Variants in TNFRSF8 observed in about 807,000 individuals in gnomAD.
The protein encoded by TNFRSF8 is TNF receptor superfamily member 8.
A neutral mutation model predicts 70.8 loss-of-function variants in TNFRSF8; 26 were observed. The ratio of observed to expected loss-of-function variants is 0.37; its 90% CI spans 0.27 to 0.51. TNFRSF8 has a LOEUF of 0.51. TNFRSF8 is among the 20% of genes least tolerant of loss of function. TNFRSF8 has a pLI of 0.94. For synonymous variants in TNFRSF8, 356 were observed against 339.2 expected, an observed-to-expected ratio of 1.05 and a Z score of -0.54; for missense variants, 720 against 807.9, an observed-to-expected ratio of 0.89 and a Z score of 1.32.
At chr1:12,100,117 C>T (rs1282911164) in intron 3 of TNFRSF8, among the ~76,000 whole-genome samples, 1 of 151,680 alleles carries the variant, frequency 6.6e-6, no homozygotes, top group Non-Finnish European at 1.5e-5. Context: ...TGCAGTGCGC[C>T]GAGATCATGC....
At chr1:12,115,377 G>A (rs931053888) in intron 7 of TNFRSF8, among the ~76,000 whole-genome samples, 200 bp from the exon 8 acceptor site, 4 of 152,144 alleles carry the variant, frequency 2.6e-5, no homozygotes, top group African/African-American at 7.2e-5. Flanking sequence ...GAATACCCTC[G>A]CTTTTTGCCT....
intron 1 of TNFRSF8, among the ~76,000 whole-genome samples, chr1:12,076,103 CTT>C (rs146740361): frequency 3.1e-5 from 3 of 96,348 alleles, no homozygotes; most frequent in Non-Finnish European, 5.6e-5. Flanking sequence ...TTTTCTTTTT[CTT>C]TTTTTTTTTT....
Position 12,080,581 on chromosome 1 carries a change from G to T in TNFRSF8, c.64-3883G>T, listed in dbSNP as rs146625957. On this transcript the variant is annotated intron_variant, in intron 1 of 14. Coordinates refer to ENST00000263932, the MANE Select transcript of TNFRSF8 (RefSeq NM_001243.5). ...TATTTTTATTTATTTTTTTGAGATG[G>T]AGTTTCACCCTTGTTGCCTAGGCTG... 1.3e-3 allele frequency: 465 copies of T among 349,214 alleles called. 1 individual carries two copies. The highest frequency in any genetic ancestry group is 4.1e-3 in the Middle Eastern group (4 of 984). 21.6% of individuals were successfully genotyped at this position (349,214 alleles called of 1,614,324 possible).
chr1:12,074,783 T>G (rs930769927), intron 1 of TNFRSF8, among the ~76,000 whole-genome samples: 1 of 148,106 alleles, frequency 6.8e-6, no homozygotes, highest in Non-Finnish European at 1.5e-5. Flanking sequence ...TTATTTGTGT[T>G]TGTTTGTTTG....
intron 4 of TNFRSF8, among the ~76,000 whole-genome samples, chr1:12,104,881 G>T (rs1641492997): frequency 2.0e-5 from 3 of 152,202 alleles, no homozygotes; most frequent in Non-Finnish European, 2.9e-5. Flanking sequence ...ATTGGGGTTG[G>T]CTTCCCCCTT....
chr1:12,128,833 CTTTTT>C lies in TNFRSF8; in HGVS notation c.1309+2612_1309+2616del, dbSNP rs60878706. On this transcript the variant is annotated intron_variant, in intron 12 of 14. Coordinates refer to ENST00000263932, the MANE Select transcript of TNFRSF8 (RefSeq NM_001243.5). ...GGTTGAGAACCACTGGTCTAAAATT[CTTTTT>C]TTTTTTTTTTTTTTGAGACAGAGTC... is the stretch of plus-strand genomic sequence containing the variant. 6.8e-3 allele frequency among the ~76,000 whole-genome samples: 758 copies of C among 111,772 alleles called. 6 individuals are homozygous for C. Among genetic ancestry groups the C allele is most frequent in the Non-Finnish European group, 9.7e-3 (566 of 58,164 alleles). The allele number at this position is 111,772 out of a possible 152,430, so 73.3% of individuals were successfully genotyped here.
At chr1:12,127,872 CT>C (rs1261078231) in intron 12 of TNFRSF8, among the ~76,000 whole-genome samples, 4 of 152,162 alleles carry the variant, frequency 2.6e-5, no homozygotes, top group Non-Finnish European at 5.9e-5. Flanking sequence ...AAGAAAACAC[CT>C]TCCCCTAAGA....
At position 12,132,901 on chromosome 1, in the gene TNFRSF8, T is replaced by C. The variant is rs545505172; in HGVS notation, c.1310-2687T>C. Among the ~76,000 whole-genome samples the C allele has an allele frequency of 6.4e-4, 96 of 149,704 alleles. 1 individual carries two copies. The highest frequency in any genetic ancestry group is 1.9e-3 in the African/African-American group (77 of 40,752). ...CCACTGGGCACCTTCACTTTTGATA[T>C]CTCTTTTAATCTTCTCAACAAGCCC... On this transcript the variant is annotated intron_variant, in intron 12 of 14. Transcript: ENST00000263932.
chr1:12,093,676 T>G (rs693708), intron 2 of TNFRSF8, among the ~76,000 whole-genome samples: 73,838 of 151,746 alleles, frequency 0.49, 18,834 homozygotes, highest in East Asian at 0.7. Flanking sequence ...AGGTAGCTGG[T>G]ATTACAGGTG....
intron 12 of TNFRSF8, among the ~76,000 whole-genome samples, chr1:12,134,784 C>T (rs1642114759): frequency 6.6e-6 from 1 of 152,210 alleles, no homozygotes; most frequent in Admixed American, 6.5e-5. Context: ...ATCATCCTGT[C>T]TCCATGACCT....
chr1:12,111,121 G>A (rs1225997864), intron 6 of TNFRSF8, among the ~76,000 whole-genome samples: 1 of 152,102 alleles, frequency 6.6e-6, no homozygotes, highest in Non-Finnish European at 1.5e-5. Context: ...TTTTCCTATA[G>A]TTGTACCTTC....
rs140319459 is a variant in TNFRSF8, at chr1:12,126,046, C to T, written c.1249C>T (p.Arg417Trp). Residue 417 changes from arginine to tryptophan, a missense_variant, in exon 11 of 15, where the codon CGG (arginine) becomes TGG (tryptophan). Coordinates refer to ENST00000263932, the MANE Select transcript of TNFRSF8 (RefSeq NM_001243.5). ...CHRRACRKRIRQKLHLCYPVQ... is the reference protein window; with the variant it reads ...CHRRACRKRIWQKLHLCYPVQ... ...CCGGAGGGCCTGCAGGAAGCGAATT[C>T]GGCAGAGTAAGTGGCTGTGTCCTTG... 96 of 1,614,084 alleles carry T rather than the reference C, an allele frequency of 5.9e-5. No individual in the cohort carries two copies. The highest frequency in any genetic ancestry group is 1.7e-4 in the Middle Eastern group (1 of 6,060).
rs186411547 is a variant in TNFRSF8, at chr1:12,121,602, A to G, written c.947-1682A>G. 2.6e-5 allele frequency among the ~76,000 whole-genome samples: 4 copies of G among 152,306 alleles called. No individual in the cohort carries two copies. In the East Asian group the frequency reaches 7.7e-4, roughly 29 times the overall value. On this transcript the variant is annotated intron_variant, in intron 8 of 14. Transcript: ENST00000263932. Reference sequence around the variant, plus strand: ...CTCGCCATCTCTGTTTCCTGGCTGTAGCTCCAGCCCTGCGGCTCTCTCCAT... The same window carrying G: ...CTCGCCATCTCTGTTTCCTGGCTGTGGCTCCAGCCCTGCGGCTCTCTCCAT...
At chr1:12,066,837 G>C (rs529033647) in intron 1 of TNFRSF8, among the ~76,000 whole-genome samples, 2 of 151,150 alleles carry the variant, frequency 1.3e-5, no homozygotes, top group South Asian at 4.2e-4. Context: ...ATTTTTAGTA[G>C]AGATGGGGTT....
chr1:12,142,703 C>T lies in TNFRSF8; in HGVS notation c.*172C>T. ...GGGGTCTGGTGGTCTCTGCTTGCAT[C>T]CCCAACTTAGCTGTCCCCTGACCCA... is the stretch of plus-strand genomic sequence containing the variant. On this transcript the variant is annotated 3_prime_UTR_variant, in exon 15 of 15. Coordinates refer to ENST00000263932, the MANE Select transcript of TNFRSF8 (RefSeq NM_001243.5). The surrounding 1 kb of genome is among the most constrained non-coding windows in gnomAD (Gnocchi z 5.0). 1 of 878,666 alleles carries T rather than the reference C, an allele frequency of 1.1e-6. No homozygotes were observed. Among genetic ancestry groups the T allele is most frequent in the Non-Finnish European group, 1.7e-6 (1 of 593,080 alleles). The allele number at this position is 878,666 out of a possible 1,614,324, so 54.4% of individuals were successfully genotyped here. A position where few individuals can be genotyped will look rare whatever the true frequency, so the allele number is the denominator to read the frequency against.
At chr1:12,125,846 CA>C in intron 10 of TNFRSF8, 104 bp from the exon 11 acceptor site, 1 of 885,724 alleles carries the variant, frequency 1.1e-6, no homozygotes, top group Non-Finnish European at 1.9e-6. Flanking sequence ...TGTTGTTAGC[CA>C]TGATGGAAGC....
chr1:12,063,535 G>A lies in TNFRSF8; in HGVS notation c.-64G>A. On this transcript the variant is annotated 5_prime_UTR_variant, in exon 1 of 15. Coordinates refer to ENST00000263932, the MANE Select transcript of TNFRSF8 (RefSeq NM_001243.5). This position sits in a 1 kb window ranked among gnomAD's most constrained non-coding sequence, Gnocchi z 7.2. The stretch of plus-strand genomic sequence containing the variant: ...ACCGCCGGGACCGCACGTGGGCGCC[G>A]CGCGCTTCCCCCGCTTCCCAGGTGG... 4 of 1,280,738 alleles carry A rather than the reference G, an allele frequency of 3.1e-6. No homozygotes were observed. Among genetic ancestry groups the A allele is most frequent in the South Asian group, 2.4e-5 (1 of 42,482 alleles). The allele number at this position is 1,280,738 out of a possible 1,614,324, so 79.3% of individuals were successfully genotyped here.
intron 7 of TNFRSF8, among the ~76,000 whole-genome samples, chr1:12,114,694 C>CA (rs1218143396): frequency 1.3e-5 from 1 of 77,034 alleles, no homozygotes. Context: ...GAAAAAAAAT[C>CA]TTTTTTTTTT....
intron 2 of TNFRSF8, among the ~76,000 whole-genome samples, chr1:12,086,105 G>A (rs943959655): frequency 6.6e-6 from 1 of 152,154 alleles, no homozygotes; most frequent in Non-Finnish European, 1.5e-5. Flanking sequence ...TCTGGAGGGT[G>A]GTGACAGGTT....
Sources: allele counts gnomAD v4.1 joint callset (sites outside exome capture counted in the v4.1 genomes callset), GRCh38; gene constraint gnomAD v4.1.1; non-coding constraint Gnocchi (gnomAD v3.1); transcripts MANE v1.5; gene names NCBI Gene and HGNC (gene_info 2026-07-23, HGNC 2026-07-21).